Variants in MYO1E observed in about 807,000 individuals in gnomAD.
The protein encoded by MYO1E is unconventional myosin-Ie.
Under a neutral mutation model 151.1 loss-of-function variants are expected in MYO1E, and 68 were observed. The observed-to-expected ratio is 0.45, with a 90% CI of 0.37 to 0.55. The LOEUF is 0.55. Ranked by LOEUF, MYO1E falls within the 20% of genes least tolerant of loss-of-function variation. The pLI is 0.00. For synonymous variants in MYO1E, 601 were observed against 501.7 expected (o/e 1.20, Z -2.64); for missense variants, 1,363 against 1,389.3 (o/e 0.98, Z 0.30).
intron 1 of MYO1E, among the ~76,000 whole-genome samples, chr15:59,358,305 T>C (rs954318855): frequency 3.9e-5 from 6 of 152,050 alleles, no homozygotes; most frequent in African/African-American, 1.4e-4. Flanking sequence ...CTCCCTTTGG[T>C]TTACTGGCCT....
chr15:59,239,235 TTTTTA>T (rs2080085636), intron 4 of MYO1E, among the ~76,000 whole-genome samples: 1 of 149,336 alleles, frequency 6.7e-6, no homozygotes, highest in Admixed American at 6.7e-5. Context: ...TTTTTTTTAT[TTTTTA>T]AAATTTGTGT....
At chr15:59,295,666 C>T (rs1255467945) in intron 1 of MYO1E, among the ~76,000 whole-genome samples, 1 of 152,018 alleles carries the variant, frequency 6.6e-6, no homozygotes, top group Non-Finnish European at 1.5e-5. Flanking sequence ...GTTAATCATC[C>T]CAGGAGAGTC....
chr15:59,349,295 T>C (rs2080810987), intron 1 of MYO1E, among the ~76,000 whole-genome samples: 2 of 152,234 alleles, frequency 1.3e-5, no homozygotes, highest in African/African-American at 4.8e-5. Flanking sequence ...ATTATAATTT[T>C]CTAATGATTT....
At chr15:59,238,872 T>G (rs1327568564) in intron 4 of MYO1E, among the ~76,000 whole-genome samples, 3 of 151,886 alleles carry the variant, frequency 2.0e-5, no homozygotes, top group African/African-American at 7.3e-5. Context: ...CACCTGGCTC[T>G]TTTTCCTTTT....
At chr15:59,206,845 A>G (rs1433859292) in intron 14 of MYO1E, 5 of 1,280,522 alleles carry the variant, frequency 3.9e-6, no homozygotes, top group Non-Finnish European at 4.3e-6. Flanking sequence ...CCTGCCGTAG[A>G]GTGCTGAAGG....
intron 4 of MYO1E, among the ~76,000 whole-genome samples, chr15:59,246,925 A>G (rs1337808454): frequency 6.6e-6 from 1 of 152,238 alleles, no homozygotes; most frequent in Non-Finnish European, 1.5e-5. Flanking sequence ...AAGCCCAATC[A>G]TCATCCTCCT....
chr15:59,171,978 T>C lies in MYO1E; in HGVS notation c.2399A>G (p.Lys800Arg). Reference sequence around the variant, plus strand: ...CACCAGGCCCTTGTCTGGGCCCTGTTTGACTTTTTCTCGTCCGATTAAGTA... The same window carrying C: ...CACCAGGCCCTTGTCTGGGCCCTGTCTGACTTTTTCTCGTCCGATTAAGTA... ...CLYLIGREKV[K>R]QGPDKGLVKE... Residue 800 changes from lysine (K) to arginine (R), a missense_variant, in exon 22 of 28, where the codon AAA becomes AGA. By Grantham distance (26) the Lys-to-Arg change is conservative. Coordinates refer to ENST00000288235, the MANE Select transcript of MYO1E (RefSeq NM_004998.4). The C allele has an allele frequency of 1.2e-6, 2 of 1,614,228 alleles. No homozygotes were observed. Among genetic ancestry groups the C allele is most frequent in the Middle Eastern group, 1.6e-4 (1 of 6,062 alleles).
At chr15:59,153,917 T>G (rs923731146) in intron 25 of MYO1E, 126 bp from the exon 26 acceptor site, 7 of 875,450 alleles carry the variant, frequency 8.0e-6, no homozygotes, top group Admixed American at 6.3e-5. Flanking sequence ...ATTTCCGCAT[T>G]TGAAAAAAAT....
At chr15:59,231,643 G>T in intron 6 of MYO1E, 59 bp downstream of exon 6, 1 of 1,557,008 alleles carries the variant, frequency 6.4e-7, no homozygotes, top group Non-Finnish European at 8.9e-7. Context: ...CTAGACTTCA[G>T]TCAGAAGCAT....
At chr15:59,244,978 C>A (rs1255717334) in intron 4 of MYO1E, among the ~76,000 whole-genome samples, 1 of 152,290 alleles carries the variant, frequency 6.6e-6, no homozygotes, top group East Asian at 1.9e-4. Flanking sequence ...GGAACAGGGT[C>A]AATCTAGGCC....
At chr15:59,152,377 G>A (rs2079486666) in intron 26 of MYO1E, among the ~76,000 whole-genome samples, 1 of 152,196 alleles carries the variant, frequency 6.6e-6, no homozygotes, top group Non-Finnish European at 1.5e-5. Context: ...CTGGAGACAG[G>A]AGACAGTGGA....
intron 18 of MYO1E, among the ~76,000 whole-genome samples, chr15:59,184,377 G>T (rs1425891614): frequency 6.6e-6 from 1 of 151,514 alleles, no homozygotes; most frequent in African/African-American, 2.4e-5. Context: ...TTTTTTTTGA[G>T]ACACAGTCTT....
intron 17 of MYO1E, among the ~76,000 whole-genome samples, chr15:59,190,038 A>G (rs1168573633): frequency 2.0e-5 from 3 of 152,222 alleles, no homozygotes; most frequent in Admixed American, 2.0e-4. Flanking sequence ...GAGCACGGAC[A>G]TGTGCCTTGT....
intron 1 of MYO1E, among the ~76,000 whole-genome samples, chr15:59,325,688 G>C (rs1485617055): frequency 2.0e-5 from 3 of 152,074 alleles, no homozygotes; most frequent in African/African-American, 7.2e-5. Flanking sequence ...AATTAAATTA[G>C]TTAAGATTAA....
At chr15:59,179,043 G>A (rs1378233880) in intron 18 of MYO1E, among the ~76,000 whole-genome samples, 1 of 152,222 alleles carries the variant, frequency 6.6e-6, no homozygotes, top group Admixed American at 6.5e-5. Context: ...GTCGTTGGCT[G>A]TTCTCCAGCC....
chr15:59,238,657 T>C (rs537192848), intron 4 of MYO1E, among the ~76,000 whole-genome samples: 1 of 152,218 alleles, frequency 6.6e-6, no homozygotes, highest in East Asian at 2.0e-4. Flanking sequence ...CTGCAATCTC[T>C]ACCTCCTAGG....
intron 1 of MYO1E, among the ~76,000 whole-genome samples, chr15:59,371,702 CCT>C (rs1272910760): frequency 1.3e-5 from 2 of 152,186 alleles, no homozygotes; most frequent in Admixed American, 1.3e-4. Flanking sequence ...CGAAGCGTCC[CCT>C]GGATCCCCGA....
chr15:59,236,787 A>C, intron 4 of MYO1E, 115 bp from the exon 5 acceptor site: 1 of 1,030,006 alleles, frequency 9.7e-7, no homozygotes, highest in Non-Finnish European at 1.5e-6. Context: ...AAAAACAGGC[A>C]GAAAAGAATT....
chr15:59,214,783 C>G, intron 10 of MYO1E, 63 bp from the exon 11 acceptor site: 1 of 1,309,926 alleles, frequency 7.6e-7, no homozygotes, highest in East Asian at 2.3e-5. Flanking sequence ...CGGGCATGCA[C>G]TGGGGAAAGG....
Sources: gnomAD v4.1 joint callset for allele counts (sites outside exome capture counted in the v4.1 genomes callset) on GRCh38, gnomAD v4.1.1 for gene constraint, MANE v1.5 for transcripts, NCBI Gene and HGNC (gene_info 2026-07-23, HGNC 2026-07-21) for gene names.